TTL: variants seen among roughly 807,000 people sequenced by gnomAD.
The protein encoded by TTL is tubulin--tyrosine ligase.
Under a neutral mutation model 41.1 loss-of-function variants are expected in TTL, and 10 were observed. The observed-to-expected ratio is 0.24, with a 90% confidence interval of 0.15 to 0.41. TTL has a LOEUF of 0.41. Among genes scored for constraint, TTL ranks in the 10% least tolerant of loss-of-function variants. The pLI is 1.00. For synonymous variants in TTL, 175 were observed against 175.5 expected (o/e 1.00, Z 0.02); for missense variants, 367 against 460.4 (o/e 0.80, Z 1.86).
At chr2:112,511,683 G>A (rs1681922516) in intron 5 of TTL, among the ~76,000 whole-genome samples, 1 of 151,494 alleles carries the variant, frequency 6.6e-6, no homozygotes, top group African/African-American at 2.4e-5. Flanking sequence ...TCCCACCTCA[G>A]CCTCCTGAGC....
At position 112,531,109 on chromosome 2, in the gene TTL, A is replaced by T. The variant is rs1682498338; in HGVS notation, c.*2314A>T. The T allele has an allele frequency of 4.7e-6, 1 of 210,768 alleles. No homozygotes were observed. The highest frequency in any genetic ancestry group is 1.9e-4 in the South Asian group (1 of 5,340). The allele number at this position is 210,768 out of a possible 1,614,324, so 13.1% of individuals were successfully genotyped here. On this transcript the variant is annotated 3_prime_UTR_variant, in exon 7 of 7. Transcript: ENST00000233336. ...GTCCTCCCGTCTCAGCCTCCTGAGT[A>T]GCTGAGACTACAGGTGCACACCACC... is the stretch of plus-strand genomic sequence containing the variant.
In TTL at chr2:112,535,716, C is replaced by T. The variant is rs1330104897; in HGVS notation, c.*6921C>T. 3 of 138,894 alleles carry T rather than the reference C, an allele frequency of 2.2e-5. No individual in the cohort carries two copies. Among genetic ancestry groups the T allele is most frequent in the Admixed American group, 7.7e-5 (1 of 12,940 alleles). The allele number at this position is 138,894 out of a possible 1,614,324, so 8.6% of individuals were successfully genotyped here. ...TTAAATGCAAATGAATTAAATACTC[C>T]AATCAGAAGGTAGAGATTGGCAAAT... On this transcript the variant is annotated 3_prime_UTR_variant, in exon 7 of 7. Transcript: ENST00000233336.
At chr2:112,523,896 T>A (rs1281479107) in intron 6 of TTL, among the ~76,000 whole-genome samples, 1 of 152,134 alleles carries the variant, frequency 6.6e-6, no homozygotes, top group Non-Finnish European at 1.5e-5. Context: ...CTGTACCCAT[T>A]AACTCATCAT....
At position 112,520,310 on chromosome 2, in the gene TTL, A is replaced by G. The variant is rs527541560; in HGVS notation, c.904A>G (p.Ile302Val). 1.4e-5 allele frequency: 23 copies of G among 1,614,134 alleles called. No homozygotes were observed. Among genetic ancestry groups the G allele is most frequent in the Middle Eastern group, 1.6e-4 (1 of 6,062 alleles). Residue 302 changes from isoleucine (I) to valine (V), a missense_variant, in exon 6 of 7, where the codon ATT (isoleucine) becomes GTT (valine). Ile to Val is a conservative substitution (Grantham distance 29, BLOSUM62 3). Coordinates refer to ENST00000233336, the MANE Select transcript of TTL (RefSeq NM_153712.5). ...CTGCCTCCTGAGCGTGGAGCCTGCC[A>G]TTAGCACCAAGCACCTCCCTTACCA... ...RNCLLSVEPA[I>V]STKHLPYQSF... is the part of the protein sequence containing the mutation.
intron 4 of TTL, among the ~76,000 whole-genome samples, chr2:112,501,894 A>G (rs987520797): frequency 2.6e-5 from 4 of 151,926 alleles, no homozygotes; most frequent in African/African-American, 9.7e-5. Flanking sequence ...AATCTTTTCT[A>G]TAAAAATGAC....
chr2:112,525,411 TC>T (rs768436458), intron 6 of TTL, among the ~76,000 whole-genome samples: 2 of 152,346 alleles, frequency 1.3e-5, no homozygotes, highest in Admixed American at 6.5e-5. Context: ...CATTGATTCT[TC>T]CTATCCATGA....
intron 5 of TTL, among the ~76,000 whole-genome samples, chr2:112,512,364 G>A (rs1011369361): frequency 4.0e-5 from 6 of 151,760 alleles, no homozygotes; most frequent in African/African-American, 9.7e-5. Context: ...GCAGGTTCAC[G>A]CCATTCTCCT....
chr2:112,524,941 T>C (rs571479331), intron 6 of TTL, among the ~76,000 whole-genome samples: 43 of 152,360 alleles, frequency 2.8e-4, no homozygotes, highest in African/African-American at 9.4e-4. Context: ...ATTTAAGTCA[T>C]TAATGCGTCC....
In TTL at chr2:112,503,190, AT is replaced by A; in HGVS notation, c.875+11del. On this transcript the variant is annotated intron_variant, in intron 5 of 6. Coordinates refer to ENST00000233336, the MANE Select transcript of TTL (RefSeq NM_153712.5). ...ATCAAACATATAATAAGGTAACTTAATTGTATCTTTTTGGATTACGTGTTTC... is the reference window on the plus strand; with the variant it reads ...ATCAAACATATAATAAGGTAACTTAATGTATCTTTTTGGATTACGTGTTTC... The A allele has an allele frequency of 6.4e-7, 1 of 1,569,788 alleles. No individual in the cohort carries two copies. The highest frequency in any genetic ancestry group is 8.6e-7 in the Non-Finnish European group (1 of 1,156,604).
At chr2:112,503,657 T>A (rs1053208763) in intron 5 of TTL, among the ~76,000 whole-genome samples, 5 of 123,180 alleles carry the variant, frequency 4.1e-5, no homozygotes, top group African/African-American at 1.6e-4. Flanking sequence ...GGTCTTGAAC[T>A]CTTTTTTTTT....
rs1238805766 is a variant in TTL, at chr2:112,482,303, C to T, written c.-42C>T. 8 of 1,414,014 alleles carry T rather than the reference C, an allele frequency of 5.7e-6. No individual in the cohort carries two copies. The highest frequency in any genetic ancestry group is 6.7e-5 in the East Asian group (2 of 29,646). 87.6% of individuals were successfully genotyped at this position (1,414,014 alleles called of 1,614,324 possible). A position where few individuals can be genotyped will look rare whatever the true frequency, so the allele number is the denominator to read the frequency against. ...AGCCGCCTTCTCGGCCGCCTGGTCCCTGCGGCGGCTGCCCGGCGGCCCGGG... is the reference window on the plus strand; with the variant it reads ...AGCCGCCTTCTCGGCCGCCTGGTCCTTGCGGCGGCTGCCCGGCGGCCCGGG... On this transcript the variant is annotated 5_prime_UTR_variant, in exon 1 of 7. Coordinates refer to ENST00000233336, the MANE Select transcript of TTL (RefSeq NM_153712.5). The surrounding 1 kb of genome is among the most constrained non-coding windows in gnomAD (Gnocchi z 5.3).
chr2:112,485,653 A>G (rs1338905952), intron 1 of TTL, among the ~76,000 whole-genome samples: 1 of 152,216 alleles, frequency 6.6e-6, no homozygotes, highest in Non-Finnish European at 1.5e-5. Flanking sequence ...CCTCTACCCT[A>G]ACAAGAAAAA....
chr2:112,527,502 T>C (rs554832404), intron 6 of TTL, among the ~76,000 whole-genome samples: 1 of 152,344 alleles, frequency 6.6e-6, no homozygotes, highest in South Asian at 2.1e-4. Flanking sequence ...TGCGCCTGTA[T>C]TGGGTGCATA....
Position 112,538,473 on chromosome 2 carries a change from G to A in TTL, c.*9678G>A, listed in dbSNP as rs1682639289. The A allele has an allele frequency of 6.6e-6, 1 of 152,150 alleles. No individual in the cohort carries two copies. Among genetic ancestry groups the A allele is most frequent in the Admixed American group, 6.5e-5 (1 of 15,270 alleles). 9.4% of individuals were successfully genotyped at this position (152,150 alleles called of 1,614,324 possible). A position where few individuals can be genotyped will look rare whatever the true frequency, so the allele number is the denominator to read the frequency against. The stretch of plus-strand genomic sequence containing the variant: ...GATTACAAAGTTTGGAATAACTCAT[G>A]TTCTCTTGTAAGTGGAAGCTAGGCT... On this transcript the variant is annotated 3_prime_UTR_variant, in exon 7 of 7. Transcript: ENST00000233336.
intron 5 of TTL, among the ~76,000 whole-genome samples, chr2:112,503,834 C>G (rs1213425905): frequency 2.4e-5 from 2 of 81,766 alleles, no homozygotes; most frequent in South Asian, 4.2e-4. Context: ...TTATTATACT[C>G]TAAGTTTTAG....
intron 5 of TTL, 142 bp from the exon 6 acceptor site, chr2:112,520,140 A>G: frequency 9.2e-7 from 1 of 1,090,620 alleles, no homozygotes; most frequent in South Asian, 1.7e-5. Context: ...CAAAAAAAAA[A>G]AAAAAAAAAA....
intron 5 of TTL, among the ~76,000 whole-genome samples, chr2:112,514,321 G>T (rs759472976): frequency 4.6e-5 from 7 of 151,556 alleles, no homozygotes; most frequent in Non-Finnish European, 1.0e-4. Flanking sequence ...GGTGGAAGTT[G>T]CAGTGAGCCA....
intron 5 of TTL, among the ~76,000 whole-genome samples, chr2:112,507,739 C>G (rs575801608): frequency 2.3e-4 from 34 of 150,832 alleles, no homozygotes; most frequent in African/African-American, 8.1e-4. Context: ...TTCCTGAATA[C>G]AGCACACTGA....
At chr2:112,511,478 T>A (rs1681917861) in intron 5 of TTL, among the ~76,000 whole-genome samples, 1 of 152,160 alleles carries the variant, frequency 6.6e-6, no homozygotes, top group Admixed American at 6.5e-5. Context: ...CTTTTGATGA[T>A]CTGTTATTAG....
Sources: allele counts gnomAD v4.1 joint callset (sites outside exome capture counted in the v4.1 genomes callset), GRCh38; gene constraint gnomAD v4.1.1; non-coding constraint Gnocchi (gnomAD v3.1); transcripts MANE v1.5; gene names NCBI Gene and HGNC (gene_info 2026-07-23, HGNC 2026-07-21).